The following DOCK4 variants were observed in gnomAD, a reference collection of about 807,000 sequenced individuals.
The protein encoded by DOCK4 is dedicator of cytokinesis protein 4.
A neutral mutation model predicts 268.1 loss-of-function variants in DOCK4; 97 were observed. That is an observed-to-expected ratio of 0.36 (90% CI 0.31 to 0.43). The LOEUF (loss-of-function observed/expected upper bound fraction) is 0.43, where lower values mean the gene tolerates loss of function less well. Ranked by LOEUF, DOCK4 falls within the 20% of genes least tolerant of loss-of-function variation. The probability of loss-of-function intolerance (pLI) is 1.00; values close to 1 mark genes in which losing one functional copy is unlikely to be tolerated. For missense variants in DOCK4, 2,145 were observed against 2,455.7 expected (o/e 0.87, Z 2.67); for synonymous variants, 954 against 887.2 (o/e 1.08, Z -1.34).
At chr7:112,118,995 G>GT (rs896737786) in intron 1 of DOCK4, among the ~76,000 whole-genome samples, 2 of 152,104 alleles carry the variant, frequency 1.3e-5, no homozygotes, top group Non-Finnish European at 2.9e-5. Context: ...ATGAAATTGT[G>GT]TATCTATGTG....
chr7:112,196,144 A>T (rs1276574163), intron 1 of DOCK4, among the ~76,000 whole-genome samples: 1 of 152,152 alleles, frequency 6.6e-6, no homozygotes, highest in East Asian at 1.9e-4. Context: ...CTGGATCTCG[A>T]ACCTCTCTAC....
chr7:111,947,440 T>A (rs1383647209), intron 8 of DOCK4, among the ~76,000 whole-genome samples: 1 of 152,214 alleles, frequency 6.6e-6, no homozygotes, highest in Non-Finnish European at 1.5e-5. Context: ...TACATATTTC[T>A]ATGGGGTCAT....
chr7:111,740,979 T>C (rs1795880099), intron 47 of DOCK4, 115 bp downstream of exon 47: 1 of 1,316,150 alleles, frequency 7.6e-7, no homozygotes, highest in Non-Finnish European at 1.1e-6. Context: ...AGGTTTGTCC[T>C]TAAGCCAAGT....
chr7:112,127,960 C>G (rs1392216460), intron 1 of DOCK4, among the ~76,000 whole-genome samples: 1 of 152,124 alleles, frequency 6.6e-6, no homozygotes, highest in Non-Finnish European at 1.5e-5. Flanking sequence ...ACCCGGGAGG[C>G]AGAGGTTGCA....
At chr7:111,784,000 T>G in intron 33 of DOCK4, 48 bp from the exon 34 acceptor site, 3 of 1,570,116 alleles carry the variant, frequency 1.9e-6, no homozygotes, top group Non-Finnish European at 2.6e-6. Context: ...TTTTTATCAG[T>G]CACCATGACA....
At chr7:112,164,521 A>C (rs1817416014) in intron 1 of DOCK4, among the ~76,000 whole-genome samples, 1 of 152,196 alleles carries the variant, frequency 6.6e-6, no homozygotes, top group Non-Finnish European at 1.5e-5. Flanking sequence ...TGTGCCAGGA[A>C]CTATACTAAG....
intron 19 of DOCK4, 38 bp from the exon 20 acceptor site, chr7:111,872,128 A>G: frequency 6.7e-7 from 1 of 1,482,454 alleles, no homozygotes; most frequent in Admixed American, 2.5e-5. Flanking sequence ...AACTAAATGC[A>G]AATCAAGGTT....
chr7:111,781,884 C>G (rs1018768460), intron 35 of DOCK4, among the ~76,000 whole-genome samples: 2 of 152,040 alleles, frequency 1.3e-5, no homozygotes, highest in South Asian at 2.1e-4. Context: ...TTTCAAGGTG[C>G]AAGCAAATAG....
At position 111,935,648 on chromosome 7, in the gene DOCK4, CTG is replaced by C. The variant is rs139033183; in HGVS notation, c.978-22_978-21del. On this transcript the variant is annotated intron_variant, in intron 11 of 52. Coordinates refer to ENST00000428084, the MANE Select transcript of DOCK4 (RefSeq NM_001363540.2). ...TTACACCTATGAAAACATTAACACT[CTG>C]TTAAGCTTTAATGATGCATGCAGTC... 2.4e-3 allele frequency: 3,842 copies of C among 1,599,628 alleles called. 90 individuals are homozygous for C. The African/African-American group carries it at 0.045, about 19-fold the overall frequency.
intron 17 of DOCK4, among the ~76,000 whole-genome samples, chr7:111,872,780 C>T (rs1806531410): frequency 6.6e-6 from 1 of 152,184 alleles, no homozygotes; most frequent in African/African-American, 2.4e-5. Flanking sequence ...CTTACAAACT[C>T]CTACCCATCC....
chr7:111,957,500 GA>G (rs569321407), intron 8 of DOCK4, among the ~76,000 whole-genome samples: 2 of 152,048 alleles, frequency 1.3e-5, no homozygotes, highest in Non-Finnish European at 2.9e-5. Flanking sequence ...AAACAACCTG[GA>G]AAAAATACTT....
intron 6 of DOCK4, among the ~76,000 whole-genome samples, chr7:111,985,120 C>T (rs1050172230): frequency 1.3e-5 from 2 of 152,132 alleles, no homozygotes; most frequent in Non-Finnish European, 2.9e-5. Context: ...CAGAGGAACA[C>T]GAGTCTAACT....
intron 1 of DOCK4, among the ~76,000 whole-genome samples, chr7:112,017,323 G>T (rs939247851): frequency 1.3e-5 from 2 of 152,214 alleles, no homozygotes; most frequent in African/African-American, 4.8e-5. Context: ...TTTTGGAAAT[G>T]TTATAAAGTT....
intron 8 of DOCK4, among the ~76,000 whole-genome samples, chr7:111,970,063 T>A (rs553658232): frequency 2.9e-4 from 44 of 152,344 alleles, no homozygotes; most frequent in African/African-American, 1.1e-3. Context: ...CCCTCATTAC[T>A]GGATCTTTCC....
intron 52 of DOCK4, 102 bp downstream of exon 52, chr7:111,732,123 TG>T: frequency 8.6e-7 from 1 of 1,167,364 alleles, no homozygotes; most frequent in Non-Finnish European, 1.2e-6. Context: ...GTTCTTTGCC[TG>T]GTCCCTGCAA....
At chr7:111,740,728 C>T (rs1164593265) in intron 47 of DOCK4, among the ~76,000 whole-genome samples, 4 of 13,760 alleles carry the variant, frequency 2.9e-4, no homozygotes, top group Non-Finnish European at 5.6e-4. Flanking sequence ...GTGAGACTCG[C>T]TAAAAAAAAA....
chr7:112,032,667 A>G (rs973405472), intron 1 of DOCK4, among the ~76,000 whole-genome samples: 2 of 152,230 alleles, frequency 1.3e-5, no homozygotes, highest in African/African-American at 4.8e-5. Flanking sequence ...AAAGTAGGCC[A>G]GATTTTATTT....
chr7:112,070,959 G>C (rs1807530945), intron 1 of DOCK4, among the ~76,000 whole-genome samples: 1 of 152,158 alleles, frequency 6.6e-6, no homozygotes, highest in Non-Finnish European at 1.5e-5. Flanking sequence ...GAGCCATTCA[G>C]CTACGACCTC....
At chr7:111,776,598 G>A (rs939653456) in intron 36 of DOCK4, among the ~76,000 whole-genome samples, 10 of 152,166 alleles carry the variant, frequency 6.6e-5, no homozygotes, top group African/African-American at 2.4e-4. Context: ...AAAATGAGGA[G>A]AAGAACTGGT....
Sources: allele counts gnomAD v4.1 joint callset (sites outside exome capture counted in the v4.1 genomes callset), GRCh38; gene constraint gnomAD v4.1.1; transcripts MANE v1.5; gene names NCBI Gene and HGNC (gene_info 2026-07-23, HGNC 2026-07-21).